The following ADAMTSL1 variants were observed in gnomAD, a reference collection of about 807,000 sequenced individuals.
ADAMTSL1 encodes the protein ADAMTS like 1.
A neutral mutation model predicts 201.8 loss-of-function variants in ADAMTSL1; 126 were observed. That is an observed-to-expected ratio of 0.62 (90% CI 0.54 to 0.72). The LOEUF is 0.72. Among genes scored for constraint, ADAMTSL1 ranks in the 30% least tolerant of loss-of-function variants. The pLI, the probability that ADAMTSL1 is intolerant of heterozygous loss-of-function variation, is 0.00. For missense variants in ADAMTSL1, 2,679 were observed against 2,277.8 expected (o/e 1.18, Z -3.59); for synonymous variants, 1,121 against 903.4 (o/e 1.24, Z -4.32).
At chr9:18,417,035 A>T (rs1265378706) in intron 2 of ADAMTSL1, among the ~76,000 whole-genome samples, 1 of 152,064 alleles carries the variant, frequency 6.6e-6, no homozygotes, top group Non-Finnish European at 1.5e-5. Flanking sequence ...ACAACTTTTC[A>T]ATAAATGTAA....
At chr9:18,488,100 A>C (rs1822088400) in intron 1 of ADAMTSL1, among the ~76,000 whole-genome samples, 1 of 152,214 alleles carries the variant, frequency 6.6e-6, no homozygotes, top group South Asian at 2.1e-4. Flanking sequence ...AGCTAGGCTT[A>C]AGATTCAGAT....
intron 1 of ADAMTSL1, among the ~76,000 whole-genome samples, chr9:18,477,287 G>A (rs941886440): frequency 3.9e-5 from 6 of 152,266 alleles, no homozygotes; most frequent in Non-Finnish European, 7.4e-5. Flanking sequence ...TCTTTTAAAC[G>A]GTTTTAAGCT....
intron 23 of ADAMTSL1, among the ~76,000 whole-genome samples, chr9:18,842,958 A>T (rs1588212967): frequency 6.6e-6 from 1 of 152,158 alleles, no homozygotes; most frequent in African/African-American, 2.4e-5. Context: ...TCCTGAATAC[A>T]GCACACTGAT....
chr9:18,073,938 G>C (rs7041361), intron 1 of ADAMTSL1, among the ~76,000 whole-genome samples: 1 of 151,864 alleles, frequency 6.6e-6, no homozygotes, highest in Non-Finnish European at 1.5e-5. Flanking sequence ...TGCTTCACAC[G>C]GGAGGTTATC....
In ADAMTSL1 at chr9:18,661,981, T is replaced by A. The variant is rs777106613; in HGVS notation, c.993T>A (p.Arg331=). Residue 331 remains arginine, a synonymous_variant, in exon 9 of 29, where the codon CGT becomes CGA. Transcript: ENST00000380548. ...AGTGCTACGATCTGAGGAGCAACCG[T>A]GTGGTTGCTGACCAATACTGTCACT... The part of the protein sequence containing the change: ...SAECYDLRSN[R]VVADQYCHYY... 4 of 1,613,592 alleles carry A rather than the reference T, an allele frequency of 2.5e-6. No individual in the cohort carries two copies. The African/African-American group carries it at 5.3e-5, about 22-fold the overall frequency.
chr9:18,277,717 G>T (rs1832638867), intron 2 of ADAMTSL1, among the ~76,000 whole-genome samples: 1 of 152,110 alleles, frequency 6.6e-6, no homozygotes, highest in Non-Finnish European at 1.5e-5. Context: ...ACTTTTTTCA[G>T]TCCTTTCAGT....
intron 2 of ADAMTSL1, among the ~76,000 whole-genome samples, chr9:18,445,389 C>A (rs1820152510): frequency 6.6e-6 from 1 of 152,100 alleles, no homozygotes; most frequent in Admixed American, 6.6e-5. Context: ...AAGACAAAAT[C>A]TTTAGAGTTC....
At chr9:18,839,576 A>G (rs1353634214) in intron 23 of ADAMTSL1, among the ~76,000 whole-genome samples, 4 of 152,186 alleles carry the variant, frequency 2.6e-5, no homozygotes, top group African/African-American at 4.8e-5. Flanking sequence ...GTCAAATGGT[A>G]TTTCTAGTTC....
At chr9:18,188,838 G>A (rs577213631) in intron 2 of ADAMTSL1, among the ~76,000 whole-genome samples, 6 of 152,090 alleles carry the variant, frequency 3.9e-5, no homozygotes, top group Non-Finnish European at 7.4e-5. Flanking sequence ...GCTGAACACC[G>A]TTATGGGCCA....
At chr9:18,138,642 T>C (rs1252009346) in intron 1 of ADAMTSL1, among the ~76,000 whole-genome samples, 2 of 152,216 alleles carry the variant, frequency 1.3e-5, no homozygotes, top group Non-Finnish European at 2.9e-5. Flanking sequence ...TAAATTTACC[T>C]TGATGATAAA....
intron 15 of ADAMTSL1, among the ~76,000 whole-genome samples, chr9:18,736,488 A>G (rs1035075161): frequency 6.6e-6 from 1 of 152,212 alleles, no homozygotes; most frequent in African/African-American, 2.4e-5. Flanking sequence ...TAACTGACCC[A>G]TGGTGGAGTG....
chr9:18,582,915 G>A lies in ADAMTSL1; in HGVS notation c.474+8649G>A, dbSNP rs538577704. 4.0e-5 allele frequency among the ~76,000 whole-genome samples: 6 copies of A among 151,448 alleles called. No individual in the cohort carries two copies. The East Asian group carries it at 9.7e-4, about 24-fold the overall frequency. ...AAATAAAATAAAATAAAATAAAAAG[G>A]GGAGTTTCCCTGCACAAGCTCTCTT... On this transcript the variant is annotated intron_variant, in intron 4 of 28. Transcript: ENST00000380548.
intron 14 of ADAMTSL1, chr9:18,718,529 A>T: frequency 1.9e-6 from 1 of 527,668 alleles, no homozygotes; most frequent in Non-Finnish European, 3.8e-6. Context: ...CTCATGCATG[A>T]TGCAAACTTG....
chr9:18,259,918 A>G (rs1445157423), intron 2 of ADAMTSL1, among the ~76,000 whole-genome samples: 1 of 152,222 alleles, frequency 6.6e-6, no homozygotes, highest in Non-Finnish European at 1.5e-5. Context: ...TGAGATCATG[A>G]TCTTTCTTTG....
chr9:18,169,981 G>A (rs763157019), intron 2 of ADAMTSL1, among the ~76,000 whole-genome samples: 4 of 151,974 alleles, frequency 2.6e-5, no homozygotes, highest in Admixed American at 1.3e-4. Context: ...AATACAGGGA[G>A]ACAAGAAGCA....
intron 2 of ADAMTSL1, among the ~76,000 whole-genome samples, chr9:18,311,648 G>A (rs890073391): frequency 6.6e-6 from 1 of 152,162 alleles, no homozygotes; most frequent in African/African-American, 2.4e-5. Flanking sequence ...AATGGGATTC[G>A]ATGCTGGAAT....
At chr9:18,143,369 T>A (rs1826487001) in intron 1 of ADAMTSL1, among the ~76,000 whole-genome samples, 1 of 152,230 alleles carries the variant, frequency 6.6e-6, no homozygotes, top group South Asian at 2.1e-4. Flanking sequence ...CTTCTCTCCA[T>A]CCCAAGTACA....
At chr9:18,186,944 T>C (rs890084590) in intron 2 of ADAMTSL1, among the ~76,000 whole-genome samples, 1 of 152,038 alleles carries the variant, frequency 6.6e-6, no homozygotes, top group Admixed American at 6.6e-5. Context: ...TGGTAAATGG[T>C]GGAACCAGGA....
chr9:18,780,523 AT>A (rs1389706201), intron 19 of ADAMTSL1, among the ~76,000 whole-genome samples: 1 of 152,160 alleles, frequency 6.6e-6, no homozygotes, highest in Non-Finnish European at 1.5e-5. Flanking sequence ...ATCACACTTG[AT>A]TTTTTATTAT....
Sources: allele counts gnomAD v4.1 joint callset (sites outside exome capture counted in the v4.1 genomes callset), GRCh38; gene constraint gnomAD v4.1.1; transcripts MANE v1.5; gene names NCBI Gene and HGNC (gene_info 2026-07-23, HGNC 2026-07-21).